SLC35F4: variants seen among roughly 807,000 people sequenced by gnomAD.
SLC35F4 encodes solute carrier family 35 member F4.
SLC35F4 carries 24 observed loss-of-function variants against 44.2 expected under a neutral mutation model. The observed-to-expected ratio is 0.54, with a 90% CI of 0.39 to 0.76. SLC35F4 has a LOEUF of 0.76. SLC35F4 is among the 30% of genes least tolerant of loss of function. The pLI is 0.00. For synonymous variants in SLC35F4, 238 were observed against 223.6 expected, an observed-to-expected ratio of 1.06 and a Z score of -0.57; for missense variants, 562 against 586.1, an observed-to-expected ratio of 0.96 and a Z score of 0.42.
chr14:57,739,995 G>T (rs777675714), intron 1 of SLC35F4, among the ~76,000 whole-genome samples: 1 of 152,110 alleles, frequency 6.6e-6, no homozygotes, highest in East Asian at 1.9e-4. Flanking sequence ...GAGTAGCTGG[G>T]TTTACAGGCA....
chr14:57,972,757 G>C (rs1438618680), downstream of SLC35F4, among the ~76,000 whole-genome samples: 1 of 152,146 alleles, frequency 6.6e-6, no homozygotes, highest in Non-Finnish European at 1.5e-5. Flanking sequence ...AGGAGAGTGA[G>C]AGCATAGTAG....
At chr14:57,697,760 C>A (rs1291627560) in intron 1 of SLC35F4, among the ~76,000 whole-genome samples, 2 of 151,630 alleles carry the variant, frequency 1.3e-5, no homozygotes, top group African/African-American at 2.4e-5. Flanking sequence ...ATTCCATTGC[C>A]AGAATAAGTT....
At chr14:57,590,877 A>C (rs1000243892) in intron 2 of SLC35F4, among the ~76,000 whole-genome samples, 1 of 152,172 alleles carries the variant, frequency 6.6e-6, no homozygotes, top group African/African-American at 2.4e-5. Context: ...ATGTGTTCCT[A>C]CTGCTTAATG....
chr14:57,860,459 T>C (rs77312735), intron 1 of SLC35F4, among the ~76,000 whole-genome samples: 10,429 of 152,234 alleles, frequency 0.069, 443 homozygotes, highest in Middle Eastern at 0.15. Flanking sequence ...ACCTACTGCA[T>C]GGCTGTTCTA....
chr14:57,893,993 CT>C (rs944220435), intron 1 of SLC35F4, among the ~76,000 whole-genome samples: 1 of 152,018 alleles, frequency 6.6e-6, no homozygotes, highest in Admixed American at 6.6e-5. Flanking sequence ...CATCTTATAC[CT>C]ACAACCTGAA....
chr14:57,963,520 G>GA (rs1193523106), intron 1 of SLC35F4, among the ~76,000 whole-genome samples: 8 of 151,968 alleles, frequency 5.3e-5, no homozygotes, highest in Non-Finnish European at 1.2e-4. Flanking sequence ...CTAGAAAGCA[G>GA]AAAAAAATGA....
chr14:57,630,314 T>G, intron 1 of SLC35F4: 1 of 575,896 alleles, frequency 1.7e-6, no homozygotes, highest in East Asian at 3.2e-5. Context: ...ATTACAACTA[T>G]AGAAGGTCGT....
intron 1 of SLC35F4, among the ~76,000 whole-genome samples, chr14:57,797,796 G>A (rs2078089432): frequency 6.6e-6 from 1 of 152,218 alleles, no homozygotes; most frequent in Admixed American, 6.5e-5. Context: ...TCACTCCCCT[G>A]TAATAGTTTA....
At chr14:57,695,184 C>G (rs192360141) in intron 1 of SLC35F4, among the ~76,000 whole-genome samples, 1 of 152,108 alleles carries the variant, frequency 6.6e-6, no homozygotes. Context: ...TCTAATTAAA[C>G]TAAAGAGCTT....
intron 1 of SLC35F4, among the ~76,000 whole-genome samples, chr14:57,703,616 T>C (rs1371219470): frequency 6.6e-6 from 1 of 152,184 alleles, no homozygotes; most frequent in Non-Finnish European, 1.5e-5. Context: ...CACAGCTGAG[T>C]ACAGCAACCT....
chr14:57,652,896 A>G (rs2073837579), intron 1 of SLC35F4, among the ~76,000 whole-genome samples: 1 of 152,210 alleles, frequency 6.6e-6, no homozygotes, highest in South Asian at 2.1e-4. Flanking sequence ...TCATCTTGCA[A>G]TCAATTCTAA....
chr14:57,867,396 G>A (rs1888197129), upstream of SLC35F4, among the ~76,000 whole-genome samples: 1 of 152,156 alleles, frequency 6.6e-6, no homozygotes, highest in Non-Finnish European at 1.5e-5. Context: ...ACGGGATCTT[G>A]AGAGTGGAGT....
intron 1 of SLC35F4, among the ~76,000 whole-genome samples, chr14:57,692,876 G>A (rs2075274991): frequency 6.6e-6 from 1 of 152,114 alleles, no homozygotes; most frequent in Non-Finnish European, 1.5e-5. Context: ...TACAGGTGGA[G>A]CTAGTGTCCT....
At chr14:57,656,274 T>C in intron 1 of SLC35F4, among the ~76,000 whole-genome samples, 1 of 150,892 alleles carries the variant, frequency 6.6e-6, no homozygotes, top group Non-Finnish European at 1.5e-5. Context: ...CTGGCTCCTA[T>C]GAGAAAGGAG....
chr14:57,578,336 T>G (rs890400063), intron 4 of SLC35F4, among the ~76,000 whole-genome samples: 10 of 87,268 alleles, frequency 1.1e-4, no homozygotes, highest in Non-Finnish European at 1.5e-4. Context: ...TTTTTTTTTT[T>G]TTTTTTTTTT....
intron 1 of SLC35F4, among the ~76,000 whole-genome samples, chr14:57,938,323 G>T (rs551759009): frequency 6.6e-6 from 1 of 152,102 alleles, no homozygotes; most frequent in Non-Finnish European, 1.5e-5. Context: ...AGTCACAAAG[G>T]GGAAGAAAAA....
chr14:57,729,348 G>T (rs2140466090), intron 1 of SLC35F4, among the ~76,000 whole-genome samples: 1 of 152,258 alleles, frequency 6.6e-6, no homozygotes, highest in South Asian at 2.1e-4. Context: ...GAAATGTGCT[G>T]GATAACCCCT....
chr14:57,858,933 T>TA (rs112008222), intron 1 of SLC35F4, among the ~76,000 whole-genome samples: 7,099 of 118,410 alleles, frequency 0.06, 531 homozygotes, highest in East Asian at 0.39. Context: ...ACCTGATCTC[T>TA]AAAAAAAAAA....
At chr14:57,760,231 T>A (rs961312741) in intron 1 of SLC35F4, among the ~76,000 whole-genome samples, 1 of 152,270 alleles carries the variant, frequency 6.6e-6, no homozygotes, top group East Asian at 1.9e-4. Flanking sequence ...TAGGGTCCAA[T>A]TTCATTATTT....
Sources: gnomAD v4.1 joint callset for allele counts (sites outside exome capture counted in the v4.1 genomes callset) on GRCh38, gnomAD v4.1.1 for gene constraint, MANE v1.5 for transcripts, NCBI Gene and HGNC (gene_info 2026-07-23, HGNC 2026-07-21) for gene names.